Variants in UBE3B observed in about 807,000 individuals in gnomAD.
The protein encoded by UBE3B is ubiquitin-protein ligase E3B.
In UBE3B, 80 loss-of-function variants were observed where a neutral mutation model predicts 132.3. The ratio of observed to expected loss-of-function variants is 0.60; its 90% CI spans 0.50 to 0.73. The LOEUF is 0.73. Ranked by LOEUF, UBE3B falls within the 30% of genes least tolerant of loss-of-function variation. The probability of loss-of-function intolerance (pLI) is 0.00; values close to 1 mark genes in which losing one functional copy is unlikely to be tolerated. For synonymous variants in UBE3B, 487 were observed against 520.4 expected, an observed-to-expected ratio of 0.94 and a Z score of 0.87; for missense variants, 1,196 against 1,362.5, an observed-to-expected ratio of 0.88 and a Z score of 1.92.
At position 109,510,268 on chromosome 12, in the gene UBE3B, G is replaced by A. The variant is rs537336443; in HGVS notation, c.1742-76G>A. ...AGATCAAGGACTTGATGACAACTGCGGAAGACAAGAGCTGTCCTCCCCTTG... is the reference window on the plus strand; with the variant it reads ...AGATCAAGGACTTGATGACAACTGCAGAAGACAAGAGCTGTCCTCCCCTTG... On this transcript the variant is annotated intron_variant, in intron 16 of 27. Transcript: ENST00000342494. 41 of 1,186,106 alleles carry A rather than the reference G, an allele frequency of 3.5e-5. No individual in the cohort carries two copies. In the South Asian group the frequency reaches 3.6e-4, roughly 10 times the overall value. The allele number at this position is 1,186,106 out of a possible 1,614,324, so 73.5% of individuals were successfully genotyped here.
At chr12:109,504,731 C>CTGGGG (rs1879439724) in intron 14 of UBE3B, among the ~76,000 whole-genome samples, 1 of 151,748 alleles carries the variant, frequency 6.6e-6, no homozygotes, top group African/African-American at 2.4e-5. Flanking sequence ...AAGACCATAC[C>CTGGGG]TGGGGTACCC....
intron 25 of UBE3B, among the ~76,000 whole-genome samples, chr12:109,530,331 G>A (rs2136126688): frequency 6.6e-6 from 1 of 152,326 alleles, no homozygotes; most frequent in Middle Eastern, 3.4e-3. Flanking sequence ...GCTGGCCTCT[G>A]CTTGGGAACA....
intron 7 of UBE3B, 121 bp from the exon 8 acceptor site, chr12:109,489,798 G>A (rs1877116657): frequency 7.9e-6 from 7 of 883,800 alleles, no homozygotes; most frequent in Non-Finnish European, 1.1e-5. Flanking sequence ...GGAAAAGGGA[G>A]GCAAGCCAGG....
chr12:109,511,490 A>C (rs1181908257), intron 18 of UBE3B, among the ~76,000 whole-genome samples, 187 bp downstream of exon 18: 2 of 152,234 alleles, frequency 1.3e-5, no homozygotes, highest in African/African-American at 4.8e-5. Flanking sequence ...TGGAGAAGAC[A>C]GTGTGAACTG....
At chr12:109,524,214 T>C in intron 22 of UBE3B, 99 bp downstream of exon 22, 1 of 1,513,546 alleles carries the variant, frequency 6.6e-7, no homozygotes, top group Admixed American at 1.8e-5. Context: ...TTATTGCTGT[T>C]GCTGTAGCTG....
chr12:109,479,054 G>C (rs1365389529), intron 1 of UBE3B, among the ~76,000 whole-genome samples: 1 of 152,176 alleles, frequency 6.6e-6, no homozygotes, highest in African/African-American at 2.4e-5. Flanking sequence ...CATACTAATG[G>C]TCTAGACTGG....
chr12:109,525,493 G>A (rs1882241592), intron 23 of UBE3B, among the ~76,000 whole-genome samples: 1 of 152,218 alleles, frequency 6.6e-6, no homozygotes, highest in South Asian at 2.1e-4. Flanking sequence ...GGTGCCACCT[G>A]AGATGCTGAC....
chr12:109,528,715 A>G (rs966639711), intron 24 of UBE3B, among the ~76,000 whole-genome samples: 5 of 152,088 alleles, frequency 3.3e-5, no homozygotes, highest in Non-Finnish European at 7.4e-5. Flanking sequence ...TTAGCTGGAC[A>G]TGGTGGCAGG....
At chr12:109,484,436 G>T (rs1876031987) in intron 4 of UBE3B, among the ~76,000 whole-genome samples, 1 of 152,150 alleles carries the variant, frequency 6.6e-6, no homozygotes, top group South Asian at 2.1e-4. Flanking sequence ...CTGTCGCCAG[G>T]CTGGTGTGCA....
rs1881807454 is a variant in UBE3B, at chr12:109,522,307, G to A, written c.2364+756G>A. 6.6e-6 allele frequency among the ~76,000 whole-genome samples: 1 copy of A among 152,158 alleles called. No individual in the cohort carries two copies. Among genetic ancestry groups the A allele is most frequent in the Non-Finnish European group, 1.5e-5 (1 of 68,030 alleles). ...GGCCTGATGGGGTCAGGGTGATGTG[G>A]CCCACACAGCTCCTGTCCATTGAAA... On this transcript the variant is annotated intron_variant, in intron 21 of 27. Coordinates refer to ENST00000342494, the MANE Select transcript of UBE3B (RefSeq NM_130466.4). The surrounding 1 kb of genome is among the most constrained non-coding windows in gnomAD (Gnocchi z 4.2).
rs535738848 is a variant in UBE3B at position 109,524,649 on chromosome 12, C to T, written c.2568+146C>T. On this transcript the variant is annotated intron_variant, in intron 23 of 27. Transcript: ENST00000342494. The stretch of plus-strand genomic sequence containing the variant: ...TCCCCACCCCTCGCCCATCCTCCTC[C>T]CCTCTTGCCAGGAGGGAGGGCCCCC... 4.6e-6 allele frequency: 4 copies of T among 860,354 alleles called. No individual in the cohort carries two copies. In the African/African-American group the frequency reaches 6.8e-5, roughly 15 times the overall value. 53.3% of individuals were successfully genotyped at this position (860,354 alleles called of 1,614,324 possible).
At chr12:109,529,019 G>A (rs966358224) in intron 24 of UBE3B, among the ~76,000 whole-genome samples, 32 of 151,928 alleles carry the variant, frequency 2.1e-4, no homozygotes, top group African/African-American at 7.5e-4. Flanking sequence ...AAATTAACTG[G>A]GTGTGGTGGT....
intron 14 of UBE3B, among the ~76,000 whole-genome samples, chr12:109,504,353 C>T (rs946853023): frequency 3.3e-5 from 5 of 152,228 alleles, no homozygotes; most frequent in African/African-American, 1.2e-4. Flanking sequence ...TTGAAAGCCA[C>T]TGGCCTAGTT....
chr12:109,492,946 A>G (rs1450141974), intron 9 of UBE3B, among the ~76,000 whole-genome samples: 3 of 152,178 alleles, frequency 2.0e-5, no homozygotes, highest in Non-Finnish European at 4.4e-5. Flanking sequence ...GACCAGCCGC[A>G]TTTTTAAGTG....
intron 1 of UBE3B, among the ~76,000 whole-genome samples, chr12:109,481,054 A>T (rs1230826246): frequency 2.0e-5 from 3 of 151,584 alleles, no homozygotes; most frequent in Non-Finnish European, 4.4e-5. Context: ...GCAGTGAGCC[A>T]ATATCGCGCC....
chr12:109,497,961 T>A, intron 10 of UBE3B, 38 bp downstream of exon 10: 3 of 1,600,758 alleles, frequency 1.9e-6, no homozygotes, highest in Middle Eastern at 3.3e-4. Context: ...AAAACCCAAT[T>A]GTGTTTTTCT....
Position 109,511,189 on chromosome 12 carries a change from G to A in UBE3B, c.1857-15G>A, listed in dbSNP as rs1396324029. ...CTTCTTTTAATTCTCCCAAACCCAT[G>A]TCTTTCTTCTCAAGGGATCTCAAAC... On this transcript the variant is annotated splice_polypyrimidine_tract_variant and intron_variant, in intron 17 of 27. Transcript: ENST00000342494. 1.2e-6 allele frequency: 2 copies of A among 1,613,100 alleles called. No individual in the cohort carries two copies. The highest frequency in any genetic ancestry group is 1.6e-4 in the Middle Eastern group (1 of 6,062).
rs1213202201 is a variant in UBE3B at position 109,501,681 on chromosome 12, T to C, written c.1282+147T>C. The C allele has an allele frequency of 2.9e-6, 3 of 1,024,368 alleles. No homozygotes were observed. The East Asian group carries it at 7.9e-5, about 27-fold the overall frequency. The allele number at this position is 1,024,368 out of a possible 1,614,324, so 63.5% of individuals were successfully genotyped here. ...CGTTCTTGTTGTTAGAGACAGAGTC[T>C]CACTGTATTGCCCAGGCTACAGTGC... On this transcript the variant is annotated intron_variant, in intron 13 of 27. Transcript: ENST00000342494.
At chr12:109,494,263 A>G (rs190437547) in intron 9 of UBE3B, among the ~76,000 whole-genome samples, 5 of 152,206 alleles carry the variant, frequency 3.3e-5, no homozygotes, top group African/African-American at 4.8e-5. Flanking sequence ...CTTTCTTCTT[A>G]TTCTTTGTAC....
Sources: gnomAD v4.1 joint callset for allele counts (sites outside exome capture counted in the v4.1 genomes callset) on GRCh38, gnomAD v4.1.1 for gene constraint, Gnocchi (gnomAD v3.1) non-coding constraint, MANE v1.5 for transcripts, NCBI Gene and HGNC (gene_info 2026-07-23, HGNC 2026-07-21) for gene names.